The following PRDM15 variants were observed in gnomAD, a reference collection of about 807,000 sequenced individuals.
PRDM15 encodes PR/SET domain 15.
Under a neutral mutation model 128.6 loss-of-function variants are expected in PRDM15, and 64 were observed. The observed-to-expected ratio is 0.50, with a 90% CI of 0.41 to 0.61. PRDM15 has a LOEUF of 0.61. PRDM15 is among the 20% of genes least tolerant of loss of function. The probability of loss-of-function intolerance (pLI) is 0.00; values close to 1 mark genes in which losing one functional copy is unlikely to be tolerated. For missense variants in PRDM15, 1,242 were observed against 1,569.1 expected (o/e 0.79, Z 3.52); for synonymous variants, 615 against 621.8 (o/e 0.99, Z 0.16).
intron 21 of PRDM15, among the ~76,000 whole-genome samples, chr21:41,809,197 ATCTG>A (rs1176058655): frequency 2.0e-5 from 3 of 150,448 alleles, no homozygotes; most frequent in African/African-American, 7.4e-5. Flanking sequence ...AACAGGCTCT[ATCTG>A]TCTAACACAG....
At chr21:41,807,081 T>A (rs2061704947) in intron 21 of PRDM15, among the ~76,000 whole-genome samples, 1 of 151,156 alleles carries the variant, frequency 6.6e-6, no homozygotes, top group Non-Finnish European at 1.5e-5. Context: ...TCTCCACCAC[T>A]ACCTCCACCA....
chr21:41,817,297 T>C (rs2062086824), intron 18 of PRDM15, among the ~76,000 whole-genome samples: 1 of 152,350 alleles, frequency 6.6e-6, no homozygotes, highest in Non-Finnish European at 1.5e-5. Flanking sequence ...CCTGGTGTCA[T>C]ATTCTTACTG....
rs61045274 is a variant in PRDM15 at position 41,874,525 on chromosome 21, ATT to A, written c.-10+4743_-10+4744del. On this transcript the variant is annotated intron_variant, in intron 1 of 23. Transcript: ENST00000398548. ...TGCATATATATATATATATATATAT[ATT>A]TTTTTTTTTTTTTGAAACTTACAAA... Among the ~76,000 whole-genome samples the A allele has an allele frequency of 7.0e-4, 67 of 95,812 alleles. 1 individual carries two copies. Among genetic ancestry groups the A allele is most frequent in the African/African-American group, 1.2e-3 (28 of 24,118 alleles). The allele number at this position is 95,812 out of a possible 152,430, so 62.9% of individuals were successfully genotyped here.
At chr21:41,872,153 A>G (rs901108774) in intron 1 of PRDM15, 2 of 152,220 alleles carry the variant, frequency 1.3e-5, no homozygotes, top group African/African-American at 4.8e-5. Flanking sequence ...AAACAGCTTT[A>G]AAAAACAAAA....
intron 8 of PRDM15, among the ~76,000 whole-genome samples, 163 bp downstream of exon 8, chr21:41,837,769 AAC>A (rs2062943327): frequency 2.2e-4 from 1 of 4,604 alleles, no homozygotes; most frequent in Non-Finnish European, 6.2e-4. Flanking sequence ...TGAGCTCCAG[AAC>A]ATTCCTGAGC....
Position 41,847,071 on chromosome 21 carries a change from C to A in PRDM15, c.640+19G>T. On this transcript the variant is annotated intron_variant, in intron 6 of 23. Transcript: ENST00000398548. ...ACACAGGAGTTTTACAACTGGGGCT[C>A]CCCACACGTCCTCCTTACCATTGAG... is the stretch of plus-strand genomic sequence containing the variant. The A allele has an allele frequency of 6.7e-7, 1 of 1,488,660 alleles. No homozygotes were observed. Among genetic ancestry groups the A allele is most frequent in the Non-Finnish European group, 9.2e-7 (1 of 1,091,346 alleles). 92.2% of individuals were successfully genotyped at this position (1,488,660 alleles called of 1,614,324 possible).
At chr21:41,824,545 A>G (rs1196760280) in intron 13 of PRDM15, among the ~76,000 whole-genome samples, 1 of 80,720 alleles carries the variant, frequency 1.2e-5, no homozygotes, top group Non-Finnish European at 2.7e-5. Context: ...TTGTTTGCAC[A>G]AACAATCTCT....
At chr21:41,826,883 C>T (rs1030213924) in intron 12 of PRDM15, among the ~76,000 whole-genome samples, 5 of 152,190 alleles carry the variant, frequency 3.3e-5, no homozygotes, top group Admixed American at 6.5e-5. Context: ...CCACAGAAGA[C>T]GACCCGAGTT....
At position 41,826,055 on chromosome 21, in the gene PRDM15, CT is replaced by C; in HGVS notation, c.1535-2del. 1.2e-6 allele frequency: 2 copies of C among 1,613,444 alleles called. No individual in the cohort carries two copies. Among genetic ancestry groups the C allele is most frequent in the Non-Finnish European group, 1.7e-6 (2 of 1,179,390 alleles). On this transcript the variant is annotated splice_acceptor_variant, in intron 12 of 23. Coordinates refer to ENST00000398548, the MANE Select transcript of PRDM15 (RefSeq NM_001040424.3). LOFTEE classifies it high-confidence loss of function. ...TCCTCTCGCTTCACTCGCCGCACTC[CT>C]GAAATTGCCAACCCCACCAGCAAGA...
chr21:41,857,126 C>A (rs139500530), intron 4 of PRDM15, 50 bp downstream of exon 4: 13 of 1,555,270 alleles, frequency 8.4e-6, no homozygotes, highest in South Asian at 5.8e-5. Context: ...CACATGGGAA[C>A]GCCAGAAAAA....
chr21:41,821,019 T>C lies in PRDM15; in HGVS notation c.2060+48A>G. On this transcript the variant is annotated intron_variant, in intron 16 of 23. Coordinates refer to ENST00000398548, the MANE Select transcript of PRDM15 (RefSeq NM_001040424.3). This position sits in a 1 kb window ranked among gnomAD's most constrained non-coding sequence, Gnocchi z 5.4. Reference sequence around the variant, plus strand: ...GCATGTGTCTCTTTGCAAGGAAGCATGTCCCCTCTCTCCTGACACAACCCG... The same window carrying C: ...GCATGTGTCTCTTTGCAAGGAAGCACGTCCCCTCTCTCCTGACACAACCCG... 1.2e-6 allele frequency: 2 copies of C among 1,609,948 alleles called. No homozygotes were observed. Among genetic ancestry groups the C allele is most frequent in the South Asian group, 1.1e-5 (1 of 90,992 alleles).
At chr21:41,860,691 G>A (rs921030005) in intron 1 of PRDM15, among the ~76,000 whole-genome samples, 27 of 152,136 alleles carry the variant, frequency 1.8e-4, no homozygotes, top group African/African-American at 6.5e-4. Flanking sequence ...AAAGTGCTGG[G>A]ATTACAGGTG....
chr21:41,804,391 A>G, intron 22 of PRDM15, 143 bp downstream of exon 22: 1 of 643,698 alleles, frequency 1.6e-6, no homozygotes, highest in Non-Finnish European at 2.7e-6. Context: ...TCTGAGGGGA[A>G]GAGAAGCCAA....
At chr21:41,866,433 T>G (rs2064011878) in intron 1 of PRDM15, among the ~76,000 whole-genome samples, 2 of 152,226 alleles carry the variant, frequency 1.3e-5, no homozygotes, top group South Asian at 2.1e-4. Flanking sequence ...TGACAGGAGG[T>G]GGCCCCGGCC....
chr21:41,826,471 T>C (rs1048735872), intron 12 of PRDM15, among the ~76,000 whole-genome samples: 1 of 152,222 alleles, frequency 6.6e-6, no homozygotes, highest in Non-Finnish European at 1.5e-5. Context: ...GCATTTTTTA[T>C]TTAAAAGATA....
intron 21 of PRDM15, among the ~76,000 whole-genome samples, chr21:41,809,358 G>A (rs1015931452): frequency 1.3e-5 from 2 of 150,936 alleles, no homozygotes; most frequent in South Asian, 4.2e-4. Context: ...TCAGCCTCCC[G>A]AGTAGCTGGG....
Position 41,804,609 on chromosome 21 carries a change from G to A in PRDM15, c.2658C>T (p.Leu886=), listed in dbSNP as rs147029126. Residue 886 remains leucine (L), a synonymous_variant, in exon 22 of 24, where the codon CTC becomes CTT. Transcript: ENST00000398548. ...GGTCCAGGTCATCGATCCTCACCGCGAGCACCTATGAGGAGCACAGGGCAT... is the reference window on the plus strand; with the variant it reads ...GGTCCAGGTCATCGATCCTCACCGCAAGCACCTATGAGGAGCACAGGGCAT... ...RHMRRKHPEV[L]AVRIDDLDHL... 6.7e-5 allele frequency: 105 copies of A among 1,558,776 alleles called. No individual in the cohort carries two copies. The highest frequency in any genetic ancestry group is 2.6e-4 in the African/African-American group (19 of 73,992).
rs1011983917 is a variant in PRDM15, at chr21:41,828,740, A to C, written c.1367-407T>G. 4.2e-5 allele frequency among the ~76,000 whole-genome samples: 6 copies of C among 142,424 alleles called. No homozygotes were observed. Among genetic ancestry groups the C allele is most frequent in the Non-Finnish European group, 6.2e-5 (4 of 64,972 alleles). The allele number at this position is 142,424 out of a possible 152,430, so 93.4% of individuals were successfully genotyped here. ...GAATGACCTACCTACCAACCAACCA[A>C]CCAACCACCCGAGCAACTGACCACC... On this transcript the variant is annotated intron_variant, in intron 11 of 23. Coordinates refer to ENST00000398548, the MANE Select transcript of PRDM15 (RefSeq NM_001040424.3). The surrounding 1 kb of genome is among the most constrained non-coding windows in gnomAD (Gnocchi z 5.7).
chr21:41,848,688 G>A (rs2063340019), intron 5 of PRDM15, among the ~76,000 whole-genome samples: 1 of 152,136 alleles, frequency 6.6e-6, no homozygotes, highest in Non-Finnish European at 1.5e-5. Context: ...GAATTTCTTC[G>A]AATCCACGTG....
Sources: gnomAD v4.1 joint callset for allele counts (sites outside exome capture counted in the v4.1 genomes callset) on GRCh38, gnomAD v4.1.1 for gene constraint, Gnocchi (gnomAD v3.1) non-coding constraint, MANE v1.5 for transcripts, NCBI Gene and HGNC (gene_info 2026-07-23, HGNC 2026-07-21) for gene names.